The following DLG2 variants were observed in gnomAD, a reference collection of about 807,000 sequenced individuals.
The protein encoded by DLG2 is discs large MAGUK scaffold protein 2.
In DLG2, 45 loss-of-function variants were observed where a neutral mutation model predicts 132.5. The ratio of observed to expected loss-of-function variants is 0.34; its 90% CI spans 0.27 to 0.44. The LOEUF (loss-of-function observed/expected upper bound fraction) is 0.44. Ranked by LOEUF, DLG2 falls within the 20% of genes least tolerant of loss-of-function variation. The pLI, the probability that DLG2 is intolerant of heterozygous loss-of-function variation, is 1.00. For missense variants in DLG2, 1,045 were observed against 1,196.9 expected, an observed-to-expected ratio of 0.87 and a Z score of 1.87; for synonymous variants, 424 against 419.6, an observed-to-expected ratio of 1.01 and a Z score of -0.13.
intron 3 of DLG2, among the ~76,000 whole-genome samples, chr11:85,384,200 T>C (rs2086135711): frequency 6.6e-6 from 1 of 152,156 alleles, no homozygotes; most frequent in Non-Finnish European, 1.5e-5. Context: ...AAGAAAGGTA[T>C]TATTCTTATT....
At chr11:83,958,977 T>C (rs1200507008) in intron 14 of DLG2, among the ~76,000 whole-genome samples, 1 of 152,138 alleles carries the variant, frequency 6.6e-6, no homozygotes, top group Non-Finnish European at 1.5e-5. Flanking sequence ...TGGCCCTTTC[T>C]ATTCTGACAG....
At chr11:85,256,097 A>G (rs984020983) in intron 4 of DLG2, among the ~76,000 whole-genome samples, 1 of 152,198 alleles carries the variant, frequency 6.6e-6, no homozygotes, top group Non-Finnish European at 1.5e-5. Flanking sequence ...AATGGGAACA[A>G]GCAAACCTGT....
At chr11:84,087,679 T>A (rs1388272363) in intron 10 of DLG2, among the ~76,000 whole-genome samples, 1 of 152,126 alleles carries the variant, frequency 6.6e-6, no homozygotes, top group Non-Finnish European at 1.5e-5. Context: ...AGTAGAGTCA[T>A]AGTCAATGAA....
At chr11:84,859,158 G>A (rs1470771316) in intron 6 of DLG2, among the ~76,000 whole-genome samples, 1 of 151,356 alleles carries the variant, frequency 6.6e-6, no homozygotes, top group African/African-American at 2.4e-5. Flanking sequence ...ATAAATAAAT[G>A]TTTCTTCACT....
intron 15 of DLG2, among the ~76,000 whole-genome samples, chr11:83,875,187 G>A (rs1359097653): frequency 6.6e-6 from 1 of 152,044 alleles, no homozygotes; most frequent in Non-Finnish European, 1.5e-5. Flanking sequence ...ACTTCCAGCT[G>A]CATATCAATC....
chr11:85,509,817 C>A (rs1380454087), intron 3 of DLG2: 1 of 151,908 alleles, frequency 6.6e-6, no homozygotes, highest in Non-Finnish European at 1.5e-5. Context: ...ATATAAGCTA[C>A]AAAGAAGTAC....
intron 6 of DLG2, among the ~76,000 whole-genome samples, chr11:84,832,868 C>T (rs567696103): frequency 6.6e-6 from 1 of 151,528 alleles, no homozygotes; most frequent in African/African-American, 2.4e-5. Context: ...AGTGATTAAA[C>T]TGCTAATAGC....
intron 6 of DLG2, among the ~76,000 whole-genome samples, chr11:84,827,943 G>A (rs569508504): frequency 3.3e-5 from 5 of 151,738 alleles, no homozygotes; most frequent in East Asian, 2.0e-4. Flanking sequence ...AAGGTGCATA[G>A]GTTTTTATTT....
intron 3 of DLG2, among the ~76,000 whole-genome samples, chr11:85,592,502 ACATAT>A: frequency 6.6e-6 from 1 of 152,332 alleles, no homozygotes; most frequent in South Asian, 2.1e-4. Context: ...GCCAGCAACA[ACATAT>A]CAATGTAGCT....
At chr11:84,883,158 A>G (rs766910163) in intron 6 of DLG2, among the ~76,000 whole-genome samples, 1 of 152,152 alleles carries the variant, frequency 6.6e-6, no homozygotes, top group Non-Finnish European at 1.5e-5. Context: ...TGTCCTTTGC[A>G]GGGACATGGA....
chr11:84,849,543 G>A (rs754248179), intron 6 of DLG2, among the ~76,000 whole-genome samples: 4 of 151,614 alleles, frequency 2.6e-5, no homozygotes, highest in Non-Finnish European at 5.9e-5. Context: ...TGTTGTTGCT[G>A]TTGTTCTGCC....
chr11:84,372,279 C>T (rs1247690886), intron 7 of DLG2, among the ~76,000 whole-genome samples: 1 of 152,086 alleles, frequency 6.6e-6, no homozygotes, highest in Non-Finnish European at 1.5e-5. Flanking sequence ...TTCAGTGTTG[C>T]TTTTTATTTC....
rs552525340 is a variant in DLG2 at position 84,789,081 on chromosome 11, C to T, written c.358-254350G>A. Among the ~76,000 whole-genome samples, 389 of 152,288 alleles carry T rather than the reference C, an allele frequency of 2.6e-3. 1 individual carries two copies. Among genetic ancestry groups the T allele is most frequent in the Non-Finnish European group, 4.3e-3 (291 of 68,018 alleles). On this transcript the variant is annotated intron_variant, in intron 6 of 27. Transcript: ENST00000376104. ...ACATGCAAAAGAAATAATCTTGGCA[C>T]AGCACCTTGCAAATCAATTTTCTAT...
At chr11:85,003,982 G>T (rs1240395940) in intron 6 of DLG2, among the ~76,000 whole-genome samples, 1 of 152,070 alleles carries the variant, frequency 6.6e-6, no homozygotes, top group African/African-American at 2.4e-5. Flanking sequence ...TTGGTTTTCT[G>T]TTCCTGTGTT....
At chr11:84,320,990 T>C (rs1320852707) in intron 7 of DLG2, among the ~76,000 whole-genome samples, 3 of 152,210 alleles carry the variant, frequency 2.0e-5, no homozygotes, top group Non-Finnish European at 4.4e-5. Flanking sequence ...TTAAAGATTC[T>C]GAAAGAAACA....
At chr11:84,187,158 A>G (rs1714791924) in intron 8 of DLG2, among the ~76,000 whole-genome samples, 1 of 150,608 alleles carries the variant, frequency 6.6e-6, no homozygotes, top group African/African-American at 2.4e-5. Flanking sequence ...AATAGAAATT[A>G]AAATTGAGAT....
intron 6 of DLG2, among the ~76,000 whole-genome samples, chr11:84,655,280 A>C (rs2099686839): frequency 1.3e-5 from 2 of 152,124 alleles, no homozygotes; most frequent in Non-Finnish European, 2.9e-5. Flanking sequence ...TTGACCTATA[A>C]TCCAGCTACT....
chr11:84,827,730 T>C (rs1255989274), intron 6 of DLG2, among the ~76,000 whole-genome samples: 2 of 138,330 alleles, frequency 1.4e-5, no homozygotes, highest in East Asian at 4.1e-4. Context: ...TTAGAGACTT[T>C]GAAACAAAGA....
At chr11:85,616,299 T>C (rs973899701) in intron 2 of DLG2, among the ~76,000 whole-genome samples, 1 of 152,064 alleles carries the variant, frequency 6.6e-6, no homozygotes, top group African/African-American at 2.4e-5. Flanking sequence ...AGAAACAGTA[T>C]ATAGTAAGGG....
Sources: gnomAD v4.1 joint callset for allele counts (sites outside exome capture counted in the v4.1 genomes callset) on GRCh38, gnomAD v4.1.1 for gene constraint, MANE v1.5 for transcripts, NCBI Gene and HGNC (gene_info 2026-07-23, HGNC 2026-07-21) for gene names.